RFX4: variants seen among roughly 807,000 people sequenced by gnomAD.
The protein encoded by RFX4 is regulatory factor X4.
A neutral mutation model predicts 95.0 loss-of-function variants in RFX4; 10 were observed. The ratio of observed to expected loss-of-function variants is 0.11; its 90% CI spans 0.06 to 0.18. The LOEUF is 0.18. RFX4 is among the 10% of genes least tolerant of loss of function. The pLI is 1.00. For missense variants in RFX4, 640 were observed against 922.0 expected (o/e 0.69, Z 3.96); for synonymous variants, 321 against 340.7 (o/e 0.94, Z 0.64).
chr12:106,694,625 T>G (rs1185264017), intron 7 of RFX4, among the ~76,000 whole-genome samples: 1 of 152,192 alleles, frequency 6.6e-6, no homozygotes, highest in Non-Finnish European at 1.5e-5. Context: ...TGACTGGCTG[T>G]CTGGCTTTGG....
At chr12:106,747,365 G>C in intron 15 of RFX4, 72 bp from the exon 16 acceptor site, 1 of 1,537,432 alleles carries the variant, frequency 6.5e-7, no homozygotes, top group South Asian at 1.2e-5. Context: ...ACAAAGGGAA[G>C]CCACTAAAGT....
Position 106,733,053 on chromosome 12 carries a change from C to G in RFX4, c.1601C>G (p.Pro534Arg). The G allele has an allele frequency of 6.2e-7, 1 of 1,614,190 alleles. No homozygotes were observed. Among genetic ancestry groups the G allele is most frequent in the Non-Finnish European group, 8.5e-7 (1 of 1,180,028 alleles). ...CCTCCCTCTTCCCCTGTTAGCAATCCTTCCCCTGAGTACACTGGCCTCAGC... is the reference window on the plus strand; with the variant it reads ...CCTCCCTCTTCCCCTGTTAGCAATCGTTCCCCTGAGTACACTGGCCTCAGC... Reference protein sequence around the residue: ...VPPPSSPVSNPSPEYTGLSTT... With the variant: ...VPPPSSPVSNRSPEYTGLSTT... The change falls in exon 15 of 18, where the codon CCT (proline) becomes CGT (arginine). Residue 534 changes from proline to arginine, a missense_variant. Pro to Arg is a moderately radical substitution (Grantham distance 103). This residue lies in a region of RFX4 where 300 missense variants were observed against 346.8 expected (regional missense o/e 0.87). Coordinates refer to ENST00000392842, the MANE Select transcript of RFX4 (RefSeq NM_213594.3).
chr12:106,587,306 G>A (rs73390196), intron 1 of RFX4, among the ~76,000 whole-genome samples: 27,263 of 152,138 alleles, frequency 0.18, 2,880 homozygotes, highest in African/African-American at 0.31. Flanking sequence ...CGTCCCCAGC[G>A]CGTCACCATG....
intron 5 of RFX4, chr12:106,682,824 C>G (rs2041547672): frequency 6.6e-6 from 1 of 152,182 alleles, no homozygotes; most frequent in Admixed American, 6.5e-5. Context: ...GGAATCTCTT[C>G]CTGTACTGCT....
chr12:106,720,977 A>G lies in RFX4; in HGVS notation c.1351+101A>G. 3.1e-6 allele frequency: 3 copies of G among 977,470 alleles called. No individual in the cohort carries two copies. In the South Asian group the frequency reaches 4.1e-5, roughly 13 times the overall value. 60.5% of individuals were successfully genotyped at this position (977,470 alleles called of 1,614,324 possible). On this transcript the variant is annotated intron_variant, in intron 13 of 17. Transcript: ENST00000392842. The surrounding 1 kb of genome is among the most constrained non-coding windows in gnomAD (Gnocchi z 4.2). ...TCTAACTTGCTGTTTCTGCAAGGTC[A>G]TCACCCTGAAACACATCTCTTCTGG...
At position 106,710,464 on chromosome 12, in the gene RFX4, C is replaced by T. The variant is rs541012957; in HGVS notation, c.935-989C>T. Among the ~76,000 whole-genome samples, 6 of 152,258 alleles carry T rather than the reference C, an allele frequency of 3.9e-5. No individual in the cohort carries two copies. In the South Asian group the frequency reaches 1.2e-3, roughly 32 times the overall value. Reference sequence around the variant, plus strand: ...TCAGCCTGGAAAATTAGAAGTCCATCTGCCCCCTCCCACCCCCATTCCTCC... The same window carrying T: ...TCAGCCTGGAAAATTAGAAGTCCATTTGCCCCCTCCCACCCCCATTCCTCC... On this transcript the variant is annotated intron_variant, in intron 9 of 17. Coordinates refer to ENST00000392842, the MANE Select transcript of RFX4 (RefSeq NM_213594.3).
intron 3 of RFX4, among the ~76,000 whole-genome samples, chr12:106,639,915 C>A (rs937185800): frequency 6.6e-6 from 1 of 152,134 alleles, no homozygotes; most frequent in African/African-American, 2.4e-5. Context: ...CCTCTAAAAG[C>A]TTTATTTGGA....
intron 17 of RFX4, among the ~76,000 whole-genome samples, chr12:106,757,896 C>T (rs1411238476): frequency 6.6e-6 from 1 of 152,224 alleles, no homozygotes; most frequent in Non-Finnish European, 1.5e-5. Flanking sequence ...CTGAGATGGG[C>T]TTTTGCCATA....
rs376639839 is a variant in RFX4, at chr12:106,741,035, C to G, written c.1634-6402C>G. ...AGGAAGTTGCAGAGATAGGCAGAGG[C>G]TAGATTATGCAGCAACATAAGAAGG... On this transcript the variant is annotated intron_variant, in intron 15 of 17. Transcript: ENST00000392842. Among the ~76,000 whole-genome samples, 3 of 152,192 alleles carry G rather than the reference C, an allele frequency of 2.0e-5. No individual in the cohort carries two copies. The East Asian group carries it at 5.8e-4, about 29-fold the overall frequency.
intron 2 of RFX4, among the ~76,000 whole-genome samples, chr12:106,609,467 G>A (rs2039910561): frequency 6.6e-6 from 1 of 152,182 alleles, no homozygotes; most frequent in Admixed American, 6.5e-5. Flanking sequence ...CTAAAAAAGA[G>A]GGATCAGCTT....
chr12:106,721,980 G>A (rs1486852668), intron 13 of RFX4, among the ~76,000 whole-genome samples: 3 of 152,218 alleles, frequency 2.0e-5, no homozygotes, highest in Non-Finnish European at 4.4e-5. Context: ...GAAGTGTTTT[G>A]TTGTGGATTT....
chr12:106,624,962 G>C (rs983717679), intron 2 of RFX4, among the ~76,000 whole-genome samples: 2 of 152,206 alleles, frequency 1.3e-5, no homozygotes, highest in African/African-American at 4.8e-5. Context: ...TACCCACTGA[G>C]AGGACTGCTT....
intron 14 of RFX4, 38 bp from the exon 15 acceptor site, chr12:106,732,886 C>T (rs754676662): frequency 1.9e-5 from 31 of 1,595,200 alleles, no homozygotes; most frequent in Non-Finnish European, 2.5e-5. Context: ...CTTGCCTTTA[C>T]ATTTGGTTTT....
chr12:106,583,872 G>GAGACGC (rs1439929478), intron 1 of RFX4: 1 of 152,770 alleles, frequency 6.5e-6, no homozygotes, highest in African/African-American at 2.4e-5. Context: ...CCGGCTGGTA[G>GAGACGC]AGACGCGCAG....
intron 1 of RFX4, among the ~76,000 whole-genome samples, chr12:106,597,950 G>A (rs1047139647): frequency 8.5e-5 from 13 of 152,136 alleles, no homozygotes; most frequent in Non-Finnish European, 1.9e-4. Context: ...TTGGGATTAC[G>A]GTTTTTCTGT....
intron 1 of RFX4, among the ~76,000 whole-genome samples, chr12:106,598,378 C>T (rs2039650338): frequency 6.6e-6 from 1 of 151,964 alleles, no homozygotes; most frequent in African/African-American, 2.4e-5. Context: ...AATAATAGAA[C>T]ATTAAGAGAA....
chr12:106,595,568 A>C (rs1423737985), intron 1 of RFX4, among the ~76,000 whole-genome samples: 1 of 152,166 alleles, frequency 6.6e-6, no homozygotes, highest in African/African-American at 2.4e-5. Context: ...AGAGCTTCTA[A>C]GTTCAACCTG....
chr12:106,594,228 A>G (rs2039583360), intron 1 of RFX4, among the ~76,000 whole-genome samples: 2 of 152,356 alleles, frequency 1.3e-5, no homozygotes, highest in South Asian at 4.1e-4. Flanking sequence ...GGAGTTTACA[A>G]GGGAGAAAAA....
chr12:106,621,235 C>T (rs771327368), intron 2 of RFX4, among the ~76,000 whole-genome samples: 3 of 152,162 alleles, frequency 2.0e-5, no homozygotes, highest in Non-Finnish European at 4.4e-5. Flanking sequence ...GAAAAATGTC[C>T]ATGAAATCTT....
Sources: allele counts gnomAD v4.1 joint callset (sites outside exome capture counted in the v4.1 genomes callset), GRCh38; gene constraint gnomAD v4.1.1; regional missense constraint gnomAD v4.1.1; non-coding constraint Gnocchi (gnomAD v3.1); transcripts MANE v1.5; gene names NCBI Gene and HGNC (gene_info 2026-07-23, HGNC 2026-07-21).